The following EVC2 variants were observed in gnomAD, a reference collection of about 807,000 sequenced individuals.
The protein encoded by EVC2 is EvC ciliary complex subunit 2, also known as limbin.
Under a neutral mutation model 149.3 loss-of-function variants are expected in EVC2, and 148 were observed. The ratio of observed to expected loss-of-function variants is 0.99; its 90% CI spans 0.87 to 1.14. The LOEUF is 1.14. EVC2 is among the 50% of genes most tolerant of loss of function. EVC2 has a pLI of 0.00. For missense variants in EVC2, 1,854 were observed against 1,627.3 expected (o/e 1.14, Z -2.40); for synonymous variants, 776 against 649.9 (o/e 1.19, Z -2.95).
intron 16 of EVC2, among the ~76,000 whole-genome samples, chr4:5,599,847 A>G (rs879652221): frequency 1.3e-5 from 2 of 152,194 alleles, no homozygotes; most frequent in Non-Finnish European, 2.9e-5. Context: ...GAAATGTTTA[A>G]AACTCCCTGT....
At chr4:5,535,615 G>GAGAGAGAGAGAGAGAGAGAT in the EVC2 span, among the ~76,000 whole-genome samples, 1 of 149,950 alleles carries the variant, frequency 6.7e-6, no homozygotes, top group African/African-American at 2.5e-5. This position sits in a 1 kb window ranked among gnomAD's most constrained non-coding sequence, Gnocchi z 4.7. Flanking sequence ...GAGAGAGAGA[G>GAGAGAGAGAGAGAGAGAGAT]AGAGAGAGAG....
chr4:5,588,138 C>T (rs898038750), intron 16 of EVC2, among the ~76,000 whole-genome samples: 3 of 152,154 alleles, frequency 2.0e-5, no homozygotes, highest in Admixed American at 2.0e-4. Context: ...ATTTCACCTT[C>T]ATTCTTGAAA....
At chr4:5,539,315 T>C (rs577663022), downstream of EVC2, among the ~76,000 whole-genome samples, 1 of 152,092 alleles carries the variant, frequency 6.6e-6, no homozygotes, top group Admixed American at 6.5e-5. Context: ...TATACTGTAT[T>C]TGTGGATTGG....
At chr4:5,545,028 G>C (rs1024717233) in intron 21 of EVC2, among the ~76,000 whole-genome samples, 15 of 152,134 alleles carry the variant, frequency 9.9e-5, no homozygotes, top group Non-Finnish European at 2.9e-5. Flanking sequence ...CTGCTGCTCG[G>C]CCCTCCAGGC....
intron 16 of EVC2, among the ~76,000 whole-genome samples, chr4:5,586,729 C>T (rs569804589): frequency 1.3e-5 from 2 of 152,292 alleles, no homozygotes; most frequent in South Asian, 2.1e-4. Flanking sequence ...ATCTTTTCAT[C>T]GAATTATGAT....
At chr4:5,698,077 G>T (rs1417679653) in intron 1 of EVC2, among the ~76,000 whole-genome samples, 1 of 152,148 alleles carries the variant, frequency 6.6e-6, no homozygotes, top group Non-Finnish European at 1.5e-5. Flanking sequence ...ATCCAGAAGT[G>T]TGAAGTAAAC....
intron 14 of EVC2, among the ~76,000 whole-genome samples, chr4:5,619,526 T>C (rs1038094418): frequency 6.6e-6 from 1 of 152,176 alleles, no homozygotes; most frequent in African/African-American, 2.4e-5. Flanking sequence ...AGAGGGAGCA[T>C]GGTTCTGCCA....
Position 5,676,263 on chromosome 4 carries a change from G to A in EVC2, c.870+4997C>T, listed in dbSNP as rs549844704. Among the ~76,000 whole-genome samples the A allele has an allele frequency of 9.2e-5, 14 of 152,294 alleles. No individual in the cohort carries two copies. In the East Asian group the frequency reaches 2.5e-3, roughly 27 times the overall value. On this transcript the variant is annotated intron_variant, in intron 7 of 21. Transcript: ENST00000344408. ...AGAAAAAATGAGAAACAATTTCTTG[G>A]GGCCTCATTTTCCTTGGCTGACATG...
At chr4:5,564,287 G>C (rs952867743) in intron 21 of EVC2, among the ~76,000 whole-genome samples, 1 of 152,174 alleles carries the variant, frequency 6.6e-6, no homozygotes, top group African/African-American at 2.4e-5. Context: ...CATGTCTCTT[G>C]ATCTGTATCC....
chr4:5,607,928 A>G (rs1433993089), intron 16 of EVC2, among the ~76,000 whole-genome samples: 2 of 151,872 alleles, frequency 1.3e-5, no homozygotes, highest in Non-Finnish European at 1.5e-5. Flanking sequence ...AAGACAGAAA[A>G]TGAGAGAAAG....
chr4:5,573,514 T>C (rs2108775846), intron 19 of EVC2, among the ~76,000 whole-genome samples: 1 of 152,264 alleles, frequency 6.6e-6, no homozygotes, highest in South Asian at 2.1e-4. Context: ...ACAACCACAA[T>C]GGGCTGAACC....
Position 5,562,800 on chromosome 4 carries a change from A to G in EVC2, c.*48T>C. The G allele has an allele frequency of 6.2e-7, 1 of 1,610,950 alleles. No individual in the cohort carries two copies. The highest frequency in any genetic ancestry group is 8.5e-7 in the Non-Finnish European group (1 of 1,180,026). On this transcript the variant is annotated 3_prime_UTR_variant, in exon 22 of 22. Coordinates refer to ENST00000344408, the MANE Select transcript of EVC2 (RefSeq NM_147127.5). The surrounding 1 kb of genome is among the most constrained non-coding windows in gnomAD (Gnocchi z 4.3). ...CACACAAACACCGGCGGGCAGGAGA[A>G]AATCATCCCTTCTCTCTTCAGATGC... is the stretch of plus-strand genomic sequence containing the variant.
chr4:5,687,411 C>T (rs114833997), intron 5 of EVC2, among the ~76,000 whole-genome samples: 2,608 of 152,146 alleles, frequency 0.017, 66 homozygotes, highest in African/African-American at 0.058. Context: ...ACTAGCATGC[C>T]CAGAGGAGAG....
chr4:5,562,347 C>G, downstream of EVC2: 1 of 721,358 alleles, frequency 1.4e-6, no homozygotes, highest in Non-Finnish European at 1.7e-6. The surrounding 1 kb of genome is among the most constrained non-coding windows in gnomAD (Gnocchi z 4.3). Context: ...GCGAATCTCT[C>G]TATTGAACAC....
At position 5,694,380 on chromosome 4, in the gene EVC2, A is replaced by C. The variant is rs774049181; in HGVS notation, c.405T>G (p.Pro135=). The change falls in exon 3 of 22, where the codon CCT becomes CCG. Residue 135 remains proline, a synonymous_variant. Coordinates refer to ENST00000344408, the MANE Select transcript of EVC2 (RefSeq NM_147127.5). ...ACTCTCTTTTAAATAAGTTCTTCTT[A>C]GGCCAGGAGGGTATAAAAGCAAATA... ...HSLFAFIPSW[P]KKNLFKRESP... 1 of 1,614,202 alleles carries C rather than the reference A, an allele frequency of 6.2e-7. No homozygotes were observed. The highest frequency in any genetic ancestry group is 1.7e-5 in the Admixed American group (1 of 60,028).
At chr4:5,574,844 TA>T in intron 18 of EVC2, 72 bp from the exon 19 acceptor site, 1 of 1,449,816 alleles carries the variant, frequency 6.9e-7, no homozygotes, top group Non-Finnish European at 9.7e-7. Context: ...TCTAGTTATT[TA>T]AATAACAAAG....
intron 1 of EVC2, among the ~76,000 whole-genome samples, chr4:5,706,377 G>C (rs374921699): frequency 0.41 from 3,937 of 9,504 alleles, 1,481 homozygotes; most frequent in Non-Finnish European, 0.44. Context: ...TACATAGATA[G>C]ATACATAGAT....
chr4:5,652,015 T>C (rs1718178028), intron 9 of EVC2, among the ~76,000 whole-genome samples: 2 of 152,176 alleles, frequency 1.3e-5, no homozygotes, highest in Non-Finnish European at 2.9e-5. Flanking sequence ...TTGCAGGCCA[T>C]GGTGGGGATT....
At chr4:5,703,589 C>T (rs1479149973) in intron 1 of EVC2, among the ~76,000 whole-genome samples, 6 of 152,220 alleles carry the variant, frequency 3.9e-5, no homozygotes, top group Non-Finnish European at 7.3e-5. Context: ...CTCACCACTT[C>T]CTGCCAACCT....
Sources: allele counts gnomAD v4.1 joint callset (sites outside exome capture counted in the v4.1 genomes callset), GRCh38; gene constraint gnomAD v4.1.1; non-coding constraint Gnocchi (gnomAD v3.1); transcripts MANE v1.5; gene names NCBI Gene and HGNC (gene_info 2026-07-23, HGNC 2026-07-21).